Variants in CASK observed in about 807,000 individuals in gnomAD.
The protein encoded by CASK is peripheral plasma membrane protein CASK.
In CASK, 4 loss-of-function variants were observed where a neutral mutation model predicts 82.9. The ratio of observed to expected loss-of-function variants is 0.05; its 90% CI spans 0.02 to 0.11. CASK has a LOEUF of 0.11. Among genes scored for constraint, CASK ranks in the 10% least tolerant of loss-of-function variants. CASK has a pLI of 1.00. For synonymous variants in CASK, 259 were observed against 253.5 expected (o/e 1.02, Z -0.20); for missense variants, 358 against 720.9 (o/e 0.50, Z 5.76).
At chrX:41,642,207 C>T (rs1428820034) in intron 8 of CASK, among the ~76,000 whole-genome samples, 5 of 111,392 alleles carry the variant, frequency 4.5e-5, no homozygotes, top group African/African-American at 1.3e-4. Context: ...AATAAACAGA[C>T]GTGTGCATGT....
intron 2 of CASK, among the ~76,000 whole-genome samples, chrX:41,815,631 G>A (rs1157833737): frequency 9.0e-6 from 1 of 111,059 alleles, no homozygotes; most frequent in African/African-American, 3.3e-5. Context: ...ATGACATGTG[G>A]GACAATATAA....
At chrX:41,812,254 C>T (rs1041114000) in intron 2 of CASK, among the ~76,000 whole-genome samples, 5 of 111,684 alleles carry the variant, frequency 4.5e-5, no homozygotes, top group Admixed American at 2.8e-4. Context: ...CCAGCATCAT[C>T]CTGATACCAA....
intron 12 of CASK, among the ~76,000 whole-genome samples, chrX:41,602,441 T>A (rs1406811747): frequency 8.9e-6 from 1 of 111,963 alleles, no homozygotes; most frequent in East Asian, 2.8e-4. Flanking sequence ...TATATTAATC[T>A]GGTATCTTGT....
intron 2 of CASK, among the ~76,000 whole-genome samples, chrX:41,832,740 T>C (rs752107901): frequency 1.8e-5 from 2 of 112,349 alleles, no homozygotes; most frequent in East Asian, 5.6e-4. Context: ...TTTAAAGACA[T>C]GTTATTTCAT....
chrX:41,884,322 A>T (rs1025711202), intron 1 of CASK, among the ~76,000 whole-genome samples: 2 of 112,194 alleles, frequency 1.8e-5, no homozygotes, highest in Non-Finnish European at 3.8e-5. Context: ...GTGGGACACC[A>T]GACCACAAGA....
chrX:41,776,792 T>C (rs923252065), intron 3 of CASK, among the ~76,000 whole-genome samples: 1 of 112,352 alleles, frequency 8.9e-6, no homozygotes, highest in East Asian at 2.8e-4. Context: ...AAGAGCTAAA[T>C]AAATGGGAAG....
intron 5 of CASK, among the ~76,000 whole-genome samples, chrX:41,683,011 T>C (rs1171582338): frequency 9.0e-6 from 1 of 111,635 alleles, no homozygotes; most frequent in Non-Finnish European, 1.9e-5. Flanking sequence ...CTTTCCAGAA[T>C]AGGGCACTTT....
intron 3 of CASK, among the ~76,000 whole-genome samples, chrX:41,748,910 A>G (rs1198138994): frequency 8.9e-6 from 1 of 112,168 alleles, no homozygotes; most frequent in Non-Finnish European, 1.9e-5. Flanking sequence ...ATCTCTACAC[A>G]TGTGCATACA....
At chrX:41,775,688 T>C (rs1352593611) in intron 3 of CASK, among the ~76,000 whole-genome samples, 1 of 105,381 alleles carries the variant, frequency 9.5e-6, no homozygotes, top group African/African-American at 3.4e-5. Flanking sequence ...ATATACACCA[T>C]GGAATACTAT....
intron 2 of CASK, among the ~76,000 whole-genome samples, chrX:41,835,728 G>A (rs955533853): frequency 9.0e-6 from 1 of 111,623 alleles, no homozygotes; most frequent in Non-Finnish European, 1.9e-5. Flanking sequence ...ACTTTCAGAA[G>A]TAGGTAATCT....
intron 1 of CASK, among the ~76,000 whole-genome samples, chrX:41,875,120 G>A (rs1482556536): frequency 1.8e-5 from 2 of 112,193 alleles, no homozygotes; most frequent in East Asian, 2.8e-4. Context: ...GAGTCCTACC[G>A]TAAATCAAGA....
At chrX:41,726,946 T>C (rs1198074113) in intron 5 of CASK, 1 of 524,835 alleles carries the variant, frequency 1.9e-6, no homozygotes, top group Admixed American at 4.0e-5. Flanking sequence ...GCTTAAATAC[T>C]GTACCAAAAA....
chrX:41,814,236 T>C (rs1355048820), intron 2 of CASK, among the ~76,000 whole-genome samples: 1 of 111,734 alleles, frequency 8.9e-6, no homozygotes, highest in African/African-American at 3.3e-5. Context: ...AACCATCCCA[T>C]TACTGGGTAT....
chrX:41,819,701 T>C (rs1340216794), intron 2 of CASK, among the ~76,000 whole-genome samples: 1 of 111,759 alleles, frequency 8.9e-6, no homozygotes, highest in Non-Finnish European at 1.9e-5. Context: ...AAAATATTAG[T>C]ATTTTTACCA....
intron 1 of CASK, among the ~76,000 whole-genome samples, chrX:41,905,812 C>T (rs2072460708): frequency 8.9e-6 from 1 of 112,922 alleles, no homozygotes; most frequent in South Asian, 3.6e-4. Flanking sequence ...CAGTTAAAGT[C>T]TACTGTCTCC....
chrX:41,768,263 A>G (rs766714936), intron 3 of CASK, among the ~76,000 whole-genome samples: 12 of 111,234 alleles, frequency 1.1e-4, no homozygotes, highest in African/African-American at 3.9e-4. Flanking sequence ...CCTAGAATTT[A>G]TAATCATTTT....
intron 2 of CASK, among the ~76,000 whole-genome samples, chrX:41,797,000 C>T (rs190179503): frequency 9.0e-6 from 1 of 111,675 alleles, no homozygotes; most frequent in East Asian, 2.8e-4. Flanking sequence ...TACAGCAAGA[C>T]ATTATAATCC....
rs189627207 is a variant in CASK at position 41,841,518 on chromosome X, T to G, written c.172+11597A>C. Among the ~76,000 whole-genome samples, 136 of 106,796 alleles carry G rather than the reference T, an allele frequency of 1.3e-3. 1 individual carries two copies. Among genetic ancestry groups the G allele is most frequent in the African/African-American group, 4.4e-3 (129 of 29,354 alleles). 92.7% of individuals were successfully genotyped at this position (106,796 alleles called of 115,157 possible). ...ATTATCTTTTTCCTTTTTGTTTTTT[T>G]TTTTTTTTTGGGTGGGGGGGACAGT... On this transcript the variant is annotated intron_variant, in intron 2 of 26. Transcript: ENST00000378163.
intron 5 of CASK, chrX:41,675,628 T>C (rs974212165): frequency 1.2e-5 from 7 of 578,014 alleles, no homozygotes; most frequent in African/African-American, 4.5e-5. Context: ...ATGGGAAACA[T>C]AGAAATTCAA....
Sources: allele counts gnomAD v4.1 joint callset (sites outside exome capture counted in the v4.1 genomes callset), GRCh38; gene constraint gnomAD v4.1.1; transcripts MANE v1.5; gene names NCBI Gene and HGNC (gene_info 2026-07-23, HGNC 2026-07-21).